PTH1R: variants seen among roughly 807,000 people sequenced by gnomAD.
PTH1R encodes parathyroid hormone 1 receptor, also known as parathyroid hormone/parathyroid hormone-related peptide receptor.
In PTH1R, 32 loss-of-function variants were observed where a neutral mutation model predicts 70.7. That is an observed-to-expected ratio of 0.45 (90% CI 0.34 to 0.61). The LOEUF is 0.61. Among genes scored for constraint, PTH1R ranks in the 20% least tolerant of loss-of-function variants. The pLI, the probability that PTH1R is intolerant of heterozygous loss-of-function variation, is 0.01. For missense variants in PTH1R, 626 were observed against 792.5 expected (o/e 0.79, Z 2.52); for synonymous variants, 329 against 324.8 (o/e 1.01, Z -0.14).
chr3:46,899,710 G>A (rs1363680380), intron 10 of PTH1R, among the ~76,000 whole-genome samples: 1 of 152,180 alleles, frequency 6.6e-6, no homozygotes, highest in African/African-American at 2.4e-5. Context: ...GGGAAAGGAG[G>A]AACCATCAGG....
intron 3 of PTH1R, among the ~76,000 whole-genome samples, chr3:46,890,921 C>T (rs1484536655): frequency 1.3e-5 from 2 of 152,144 alleles, no homozygotes; most frequent in African/African-American, 2.4e-5. Flanking sequence ...GGGCTGGTGG[C>T]AGAATCTCCT....
At chr3:46,894,711 C>T (rs2031636076) in intron 4 of PTH1R, among the ~76,000 whole-genome samples, 1 of 152,136 alleles carries the variant, frequency 6.6e-6, no homozygotes, top group Non-Finnish European at 1.5e-5. Context: ...TGAGCACAGT[C>T]ATTCTCATCC....
chr3:46,888,278 A>G (rs184574692), intron 3 of PTH1R, among the ~76,000 whole-genome samples: 14 of 152,284 alleles, frequency 9.2e-5, no homozygotes, highest in African/African-American at 3.4e-4. Context: ...TCTTTTTCGT[A>G]TTGATTTGTT....
intron 3 of PTH1R, among the ~76,000 whole-genome samples, chr3:46,885,243 T>C (rs1199007914): frequency 1.3e-5 from 2 of 152,146 alleles, no homozygotes; most frequent in South Asian, 2.1e-4. Flanking sequence ...TGAGTTCACG[T>C]GTCTGAAGTT....
At position 46,898,803 on chromosome 3, in the gene PTH1R, G is replaced by A. The variant is rs1377984333; in HGVS notation, c.780G>A (p.Glu260=). The change falls in exon 9 of 16, where the codon GAG becomes GAA. Residue 260 remains glutamate, a synonymous_variant. Transcript: ENST00000449590. ...AGGCTGAGCGCCTCACCGAGGAGGAGCTGCGCGCCATCGCCCAGGCGCCCC... is the reference window on the plus strand; with the variant it reads ...AGGCTGAGCGCCTCACCGAGGAGGAACTGCGCGCCATCGCCCAGGCGCCCC... The part of the protein sequence containing the change: ...LDEAERLTEE[E]LRAIAQAPPP... The A allele has an allele frequency of 6.3e-7, 1 of 1,591,254 alleles. No homozygotes were observed. Among genetic ancestry groups the A allele is most frequent in the Non-Finnish European group, 8.5e-7 (1 of 1,174,196 alleles).
Position 46,892,722 on chromosome 3 carries a change from A to G in PTH1R, c.76-1185A>G. On this transcript the variant is annotated intron_variant, in intron 3 of 15. Transcript: ENST00000449590. This position sits in a 1 kb window ranked among gnomAD's most constrained non-coding sequence, Gnocchi z 5.2. ...CCTCCTCTGGGTCCTCCCGCCCTTC[A>G]CAGCCATGCTCGGACTGCAGGGCCC... The G allele has an allele frequency of 2.0e-6, 2 of 984,112 alleles. No individual in the cohort carries two copies. Among genetic ancestry groups the G allele is most frequent in the Non-Finnish European group, 1.2e-6 (1 of 829,624 alleles). The allele number at this position is 984,112 out of a possible 1,614,324, so 61.0% of individuals were successfully genotyped here. A position where few individuals can be genotyped will look rare whatever the true frequency, so the allele number is the denominator to read the frequency against.
At chr3:46,899,561 C>T (rs1045630573) in intron 10 of PTH1R, 105 bp downstream of exon 10, 1 of 1,416,072 alleles carries the variant, frequency 7.1e-7, no homozygotes, top group Non-Finnish European at 9.6e-7. Flanking sequence ...CATCCCGCCC[C>T]AAGTGGAACA....
At chr3:46,898,923 C>T in intron 9 of PTH1R, 66 bp downstream of exon 9, 1 of 1,167,182 alleles carries the variant, frequency 8.6e-7, no homozygotes, top group Non-Finnish European at 1.1e-6. Flanking sequence ...CGCCCCGCCC[C>T]GCTCCAGCCC....
In PTH1R at chr3:46,903,226, G is replaced by A. The variant is rs1459725206; in HGVS notation, c.1396-44G>A. 1 of 1,609,684 alleles carries A rather than the reference G, an allele frequency of 6.2e-7. No homozygotes were observed. Among genetic ancestry groups the A allele is most frequent in the Non-Finnish European group, 8.5e-7 (1 of 1,179,230 alleles). ...CAGGGGCCGGGATGGGGCATCGCTG[G>A]GGTTGGGAGACACACCTGACTGCCG... On this transcript the variant is annotated intron_variant, in intron 15 of 15. Transcript: ENST00000449590. The surrounding 1 kb of genome is among the most constrained non-coding windows in gnomAD (Gnocchi z 4.4).
At position 46,903,697 on chromosome 3, in the gene PTH1R, C is replaced by T. The variant is rs2032276297; in HGVS notation, c.*41C>T. ...TGGACCTGCTGACATAGTGGATGGA[C>T]AGATGGACCAAAAGATGGGTGGTTG... On this transcript the variant is annotated 3_prime_UTR_variant, in exon 16 of 16. Transcript: ENST00000449590. The surrounding 1 kb of genome is among the most constrained non-coding windows in gnomAD (Gnocchi z 4.4). 6.2e-7 allele frequency: 1 copy of T among 1,600,882 alleles called. No individual in the cohort carries two copies. Among genetic ancestry groups the T allele is most frequent in the African/African-American group, 1.3e-5 (1 of 74,628 alleles).
intron 3 of PTH1R, among the ~76,000 whole-genome samples, chr3:46,889,431 C>T (rs2031258712): frequency 1.3e-5 from 2 of 152,254 alleles, no homozygotes; most frequent in African/African-American, 2.4e-5. Flanking sequence ...CCAGGGTACC[C>T]GTGTGGCTGG....
At chr3:46,890,741 T>G (rs1037253397) in intron 3 of PTH1R, among the ~76,000 whole-genome samples, 2 of 152,162 alleles carry the variant, frequency 1.3e-5, no homozygotes, top group Non-Finnish European at 2.9e-5. Context: ...CCTCAGGTGA[T>G]CCACCTGGTT....
Position 46,892,577 on chromosome 3 carries a change from C to G in PTH1R, c.76-1330C>G, listed in dbSNP as rs2031487890. 8.2e-6 allele frequency: 2 copies of G among 244,792 alleles called. No homozygotes were observed. Among genetic ancestry groups the G allele is most frequent in the South Asian group, 1.5e-4 (1 of 6,664 alleles). 15.2% of individuals were successfully genotyped at this position (244,792 alleles called of 1,614,324 possible). ...GACTCCTTGGCCCTGGAAGCCCTCG[C>G]TGCTGCCGCCAAGAGACGCGGTCAA... On this transcript the variant is annotated intron_variant, in intron 3 of 15. Coordinates refer to ENST00000449590, the MANE Select transcript of PTH1R (RefSeq NM_000316.3). The surrounding 1 kb of genome is among the most constrained non-coding windows in gnomAD (Gnocchi z 5.2).
At chr3:46,890,848 A>T (rs1276708359) in intron 3 of PTH1R, among the ~76,000 whole-genome samples, 1 of 152,202 alleles carries the variant, frequency 6.6e-6, no homozygotes, top group African/African-American at 2.4e-5. Flanking sequence ...ACTGAGGCAC[A>T]CGGGTTAAGC....
In PTH1R at chr3:46,903,689, T is replaced by C; in HGVS notation, c.*33T>C. The C allele has an allele frequency of 1.2e-6, 2 of 1,601,368 alleles. No individual in the cohort carries two copies. Among genetic ancestry groups the C allele is most frequent in the South Asian group, 1.1e-5 (1 of 91,020 alleles). On this transcript the variant is annotated 3_prime_UTR_variant, in exon 16 of 16. Transcript: ENST00000449590. This position sits in a 1 kb window ranked among gnomAD's most constrained non-coding sequence, Gnocchi z 4.4. ...CTGGGGGCTGGACCTGCTGACATAGTGGATGGACAGATGGACCAAAAGATG... is the reference window on the plus strand; with the variant it reads ...CTGGGGGCTGGACCTGCTGACATAGCGGATGGACAGATGGACCAAAAGATG...
Position 46,902,477 on chromosome 3 carries a change from G to C in PTH1R, c.1212-49G>C. The C allele has an allele frequency of 6.2e-7, 1 of 1,602,064 alleles. No individual in the cohort carries two copies. The highest frequency in any genetic ancestry group is 8.5e-7 in the Non-Finnish European group (1 of 1,175,236). On this transcript the variant is annotated intron_variant, in intron 13 of 15. Coordinates refer to ENST00000449590, the MANE Select transcript of PTH1R (RefSeq NM_000316.3). This position sits in a 1 kb window ranked among gnomAD's most constrained non-coding sequence, Gnocchi z 5.4. ...CAGGGTGGGGGGTGGCACAATGCTT[G>C]TTGAAGGGGAAGTGGCTTGGCCCTG...
chr3:46,901,371 T>C lies in PTH1R; in HGVS notation c.1050-43T>C. The C allele has an allele frequency of 6.4e-7, 1 of 1,551,980 alleles. No homozygotes were observed. Among genetic ancestry groups the C allele is most frequent in the East Asian group, 2.4e-5 (1 of 41,134 alleles). On this transcript the variant is annotated intron_variant, in intron 11 of 15. Transcript: ENST00000449590. The surrounding 1 kb of genome is among the most constrained non-coding windows in gnomAD (Gnocchi z 7.3). The stretch of plus-strand genomic sequence containing the variant: ...TGGGTCTCTGTGGGCAGTCTTAGGA[T>C]GGGAACAGGAGGGATGGGAGCTAAT...
chr3:46,901,982 C>CT lies in PTH1R; in HGVS notation c.1211+123dup. On this transcript the variant is annotated intron_variant, in intron 13 of 15. Coordinates refer to ENST00000449590, the MANE Select transcript of PTH1R (RefSeq NM_000316.3). This position sits in a 1 kb window ranked among gnomAD's most constrained non-coding sequence, Gnocchi z 7.3. ...TGGGGCAAGGGAAAGGACCCAGCGT[C>CT]TGACTCCCTGGCTGTCCTCACCCAC... The CT allele has an allele frequency of 8.9e-7, 1 of 1,128,482 alleles. No homozygotes were observed. The highest frequency in any genetic ancestry group is 1.3e-6 in the Non-Finnish European group (1 of 771,456). 69.9% of individuals were successfully genotyped at this position (1,128,482 alleles called of 1,614,324 possible).
rs1296976169 is a variant in PTH1R, at chr3:46,892,499, G to GC, written c.76-1407dup. On this transcript the variant is annotated intron_variant, in intron 3 of 15. Transcript: ENST00000449590. This position sits in a 1 kb window ranked among gnomAD's most constrained non-coding sequence, Gnocchi z 5.2. ...CGCGCGCACGCACAGGGACGCGCACGCGGCTCCGCTAAGTGGAACCAGCAG... is the reference window on the plus strand; with the variant it reads ...CGCGCGCACGCACAGGGACGCGCACGCCGGCTCCGCTAAGTGGAACCAGCAG... 6.6e-6 allele frequency among the ~76,000 whole-genome samples: 1 copy of GC among 152,214 alleles called. No homozygotes were observed. Among genetic ancestry groups the GC allele is most frequent in the East Asian group, 1.9e-4 (1 of 5,194 alleles).
Sources: allele counts gnomAD v4.1 joint callset (sites outside exome capture counted in the v4.1 genomes callset), GRCh38; gene constraint gnomAD v4.1.1; non-coding constraint Gnocchi (gnomAD v3.1); transcripts MANE v1.5; gene names NCBI Gene and HGNC (gene_info 2026-07-23, HGNC 2026-07-21).